The following CELF1 variants were observed in gnomAD, a reference collection of about 807,000 sequenced individuals.
CELF1 encodes CUGBP Elav-like family member 1.
A neutral mutation model predicts 61.8 loss-of-function variants in CELF1; 10 were observed. The observed-to-expected ratio is 0.16, with a 90% CI of 0.10 to 0.27. The LOEUF is 0.27. Ranked by LOEUF, CELF1 falls within the 10% of genes least tolerant of loss-of-function variation. CELF1 has a pLI of 1.00. For missense variants in CELF1, 380 were observed against 639.1 expected, an observed-to-expected ratio of 0.59 and a Z score of 4.37; for synonymous variants, 236 against 225.1, an observed-to-expected ratio of 1.05 and a Z score of -0.43.
intron 4 of CELF1, among the ~76,000 whole-genome samples, chr11:47,488,194 C>T (rs1237039211): frequency 6.6e-6 from 1 of 152,154 alleles, no homozygotes; most frequent in Non-Finnish European, 1.5e-5. Context: ...AAAATAAGAA[C>T]ATGTCTGTGT....
chr11:47,473,308 C>T (rs2078478893), intron 13 of CELF1, 77 bp from the exon 14 acceptor site: 6 of 1,359,654 alleles, frequency 4.4e-6, no homozygotes, highest in South Asian at 2.6e-5. Flanking sequence ...CTTTCATTTC[C>T]ACCTATGTTA....
chr11:47,499,093 T>C (rs959750296), intron 3 of CELF1, among the ~76,000 whole-genome samples: 10 of 152,126 alleles, frequency 6.6e-5, no homozygotes, highest in African/African-American at 2.4e-4. Flanking sequence ...CCCAAAAGAT[T>C]ATTTGAAATT....
At position 47,553,095 on chromosome 11, in the gene CELF1, G is replaced by C. The variant is rs927305374; in HGVS notation, c.-257C>G. ...GGCCGAATCCCGGGGGAGCCTCCGC[G>C]TCCCGCCGCCGCTGCCGCTGCCGCC... On this transcript the variant is annotated 5_prime_UTR_variant, in exon 1 of 15. Coordinates refer to ENST00000687097, the MANE Select transcript of CELF1 (RefSeq NM_001376376.1). The C allele has an allele frequency of 7.5e-6, 3 of 398,760 alleles. No individual in the cohort carries two copies. The highest frequency in any genetic ancestry group is 4.1e-5 in the African/African-American group (2 of 48,488). 24.7% of individuals were successfully genotyped at this position (398,760 alleles called of 1,614,324 possible).
intron 9 of CELF1, among the ~76,000 whole-genome samples, chr11:47,479,355 A>C (rs141647478): frequency 6.6e-6 from 1 of 152,318 alleles, no homozygotes; most frequent in Non-Finnish European, 1.5e-5. Context: ...AGGTCCACAC[A>C]TCTCACTCTG....
intron 6 of CELF1, 80 bp downstream of exon 6, chr11:47,486,670 A>G: frequency 8.6e-7 from 1 of 1,159,044 alleles, no homozygotes; most frequent in Non-Finnish European, 1.3e-6. Context: ...GGCCTCCCAA[A>G]GTGCTGGGAT....
At chr11:47,552,738 CGAG>C (rs1430204556) in intron 1 of CELF1, among the ~76,000 whole-genome samples, 15 of 152,258 alleles carry the variant, frequency 9.9e-5, no homozygotes, top group East Asian at 1.9e-4. Flanking sequence ...AGCAAAGCCA[CGAG>C]GAGGGCGGGT....
chr11:47,519,588 G>C (rs374285391), intron 1 of CELF1, among the ~76,000 whole-genome samples: 2 of 152,084 alleles, frequency 1.3e-5, no homozygotes, highest in East Asian at 1.9e-4. Flanking sequence ...GCTTCTCGCC[G>C]GGCGTGGTGG....
chr11:47,549,064 C>T (rs1785841977), intron 1 of CELF1, among the ~76,000 whole-genome samples: 3 of 152,010 alleles, frequency 2.0e-5, no homozygotes, highest in African/African-American at 7.3e-5. Context: ...AAAACTACCA[C>T]AGTGAGGTAT....
chr11:47,491,252 TC>T (rs1406818849), intron 3 of CELF1, among the ~76,000 whole-genome samples: 5 of 66,834 alleles, frequency 7.5e-5, no homozygotes, highest in Admixed American at 3.1e-4. Context: ...AACCTCCACC[TC>T]CCAGGTTCAA....
upstream of CELF1, among the ~76,000 whole-genome samples, chr11:47,556,997 T>G (rs1281859832): frequency 1.3e-5 from 2 of 152,132 alleles, no homozygotes; most frequent in Non-Finnish European, 2.9e-5. Flanking sequence ...CCTCTCAGAT[T>G]CAAGCGATTC....
rs1041544061 is a variant in CELF1, at chr11:47,475,512, G to A, written c.1097C>T (p.Ala366Val). ...LNVGSLAGMA[A>V]LNGGLGSSGL... ...ACTGCTGCCCAGGCCACCATTTAAAGCAGCCATTCCTTGGTTGGAGGAAGA... is the reference window on the plus strand; with the variant it reads ...ACTGCTGCCCAGGCCACCATTTAAAACAGCCATTCCTTGGTTGGAGGAAGA... The change falls in exon 13 of 15, where the codon GCT (alanine) becomes GTT (valine). Residue 366 changes from alanine to valine, a missense_variant. Ala to Val is a moderately conservative substitution (Grantham distance 64). Transcript: ENST00000687097. The A allele has an allele frequency of 6.2e-7, 1 of 1,613,826 alleles. No homozygotes were observed.
intron 3 of CELF1, 43 bp downstream of exon 3, chr11:47,499,410 G>C (rs2093619751): frequency 6.9e-7 from 1 of 1,458,994 alleles, no homozygotes; most frequent in Non-Finnish European, 9.3e-7. Context: ...AAACAGCCCA[G>C]TTCCTCTGCT....
At chr11:47,504,812 G>A (rs1057317501) in intron 1 of CELF1, among the ~76,000 whole-genome samples, 3 of 147,570 alleles carry the variant, frequency 2.0e-5, no homozygotes, top group African/African-American at 7.5e-5. Flanking sequence ...TGAGACAGGA[G>A]AATCGCTTGA....
intron 6 of CELF1, among the ~76,000 whole-genome samples, chr11:47,484,858 A>T (rs2085679020): frequency 6.6e-6 from 1 of 152,012 alleles, no homozygotes. Flanking sequence ...TTGTATTTTT[A>T]GTAGAGATGG....
At chr11:47,476,450 G>T (rs1013361658) in intron 12 of CELF1, among the ~76,000 whole-genome samples, 4 of 152,044 alleles carry the variant, frequency 2.6e-5, no homozygotes, top group African/African-American at 9.7e-5. Flanking sequence ...TTTTGAGACG[G>T]ACTCTCGCTC....
intron 1 of CELF1, among the ~76,000 whole-genome samples, chr11:47,508,974 G>C (rs896909405): frequency 1.3e-5 from 2 of 152,068 alleles, no homozygotes; most frequent in Non-Finnish European, 2.9e-5. Context: ...TCACCATGTT[G>C]GTCAGGCTAG....
chr11:47,505,603 A>G (rs1303828190), intron 1 of CELF1, among the ~76,000 whole-genome samples: 1 of 149,048 alleles, frequency 6.7e-6, no homozygotes, highest in African/African-American at 2.5e-5. Flanking sequence ...AGATCGTGCC[A>G]CTGTACTCCA....
rs1341417871 is a variant in CELF1, at chr11:47,487,142, A to G, written c.342+17T>C. The G allele has an allele frequency of 6.3e-7, 1 of 1,580,010 alleles. No individual in the cohort carries two copies. Among genetic ancestry groups the G allele is most frequent in the African/African-American group, 1.3e-5 (1 of 74,280 alleles). On this transcript the variant is annotated intron_variant, in intron 5 of 14. Coordinates refer to ENST00000687097, the MANE Select transcript of CELF1 (RefSeq NM_001376376.1). ...CAAAGTTACCACATTTCCATTTACT[A>G]GTGGGAGCTTTCTTACCCCTGGGAG...
intron 6 of CELF1, among the ~76,000 whole-genome samples, chr11:47,484,965 A>G (rs930057489): frequency 4.6e-5 from 7 of 152,216 alleles, no homozygotes; most frequent in African/African-American, 1.7e-4. Context: ...GGTGTGACCC[A>G]CCACGCCCGG....
Sources: gnomAD v4.1 joint callset for allele counts (sites outside exome capture counted in the v4.1 genomes callset) on GRCh38, gnomAD v4.1.1 for gene constraint, MANE v1.5 for transcripts, NCBI Gene and HGNC (gene_info 2026-07-23, HGNC 2026-07-21) for gene names.